SCARA3: variants seen among roughly 807,000 people sequenced by gnomAD.
SCARA3 encodes scavenger receptor class A member 3.
A neutral mutation model predicts 47.0 loss-of-function variants in SCARA3; 39 were observed. The observed-to-expected ratio is 0.83, with a 90% CI of 0.64 to 1.08. The LOEUF is 1.08. Among genes scored for constraint, SCARA3 ranks in the 50% least tolerant of loss-of-function variants. SCARA3 has a pLI of 0.00. For synonymous variants in SCARA3, 356 were observed against 334.1 expected, an observed-to-expected ratio of 1.07 and a Z score of -0.71; for missense variants, 724 against 792.3, an observed-to-expected ratio of 0.91 and a Z score of 1.04.
the SCARA3 span, among the ~76,000 whole-genome samples, chr8:27,691,571 C>G: frequency 6.6e-6 from 1 of 152,094 alleles, no homozygotes; most frequent in African/African-American, 2.4e-5. Flanking sequence ...TTTGGGAAGT[C>G]CCTCCGTCTG....
rs768636643 is a variant in SCARA3, at chr8:27,658,841, A to G, written c.671A>G (p.Asn224Ser). The G allele has an allele frequency of 1.2e-6, 2 of 1,614,178 alleles. No individual in the cohort carries two copies. The highest frequency in any genetic ancestry group is 1.7e-5 in the Admixed American group (1 of 60,026). Reference protein sequence around the residue: ...YDVKAAVHQINFTVGQTSEWI... With the variant: ...YDVKAAVHQISFTVGQTSEWI... ...GTCAAGGCTGCAGTGCACCAGATCA[A>G]CTTCACCGTGGGGCAGACTTCCGAG... is the stretch of plus-strand genomic sequence containing the variant. Residue 224 changes from asparagine to serine, a missense_variant, in exon 5 of 6, where the codon AAC (asparagine) becomes AGC (serine). Coordinates refer to ENST00000301904, the MANE Select transcript of SCARA3 (RefSeq NM_016240.3).
At chr8:27,704,791 C>A in the SCARA3 span, among the ~76,000 whole-genome samples, 1 of 152,176 alleles carries the variant, frequency 6.6e-6, no homozygotes, top group African/African-American at 2.4e-5. Context: ...AGACACTGGG[C>A]ACCTCATTTC....
At chr8:27,726,611 A>T in the SCARA3 span, among the ~76,000 whole-genome samples, 1 of 150,884 alleles carries the variant, frequency 6.6e-6, no homozygotes, top group Non-Finnish European at 1.5e-5. Flanking sequence ...GAGGCAGGAG[A>T]ATTGCTTGAA....
chr8:27,635,006 C>T (rs1433701548), intron 1 of SCARA3, among the ~76,000 whole-genome samples: 3 of 152,136 alleles, frequency 2.0e-5, no homozygotes, highest in African/African-American at 7.2e-5. Flanking sequence ...AACGCCATTT[C>T]GGGTGTCTTT....
chr8:27,704,847 T>C, the SCARA3 span, among the ~76,000 whole-genome samples: 1 of 152,152 alleles, frequency 6.6e-6, no homozygotes, highest in Admixed American at 6.5e-5. Context: ...CTACGTGTCC[T>C]CTCTGGAGGG....
At position 27,656,900 on chromosome 8, in the gene SCARA3, A is replaced by G; in HGVS notation, c.325+20A>G. On this transcript the variant is annotated intron_variant, in intron 4 of 5. Coordinates refer to ENST00000301904, the MANE Select transcript of SCARA3 (RefSeq NM_016240.3). ...GCCTGGGTAAGTAGATGGGCTGATG[A>G]CTGTGATGCAGTGATCTTCAGGGTG... The G allele has an allele frequency of 6.8e-7, 1 of 1,470,630 alleles. No homozygotes were observed. The highest frequency in any genetic ancestry group is 9.5e-7 in the Non-Finnish European group (1 of 1,048,806). The allele number at this position is 1,470,630 out of a possible 1,614,324, so 91.1% of individuals were successfully genotyped here.
intron 3 of SCARA3, 69 bp downstream of exon 3, chr8:27,651,696 C>T: frequency 6.3e-7 from 1 of 1,584,438 alleles, no homozygotes; most frequent in Non-Finnish European, 8.6e-7. Flanking sequence ...ACCAAAAGTT[C>T]CCCTGCAAAG....
At chr8:27,707,480 CAA>C in the SCARA3 span, among the ~76,000 whole-genome samples, 44 of 149,188 alleles carry the variant, frequency 2.9e-4, no homozygotes, top group African/African-American at 1.1e-3. Context: ...ATTAATAAGT[CAA>C]AAAAAAACAT....
Position 27,656,176 on chromosome 8 carries a change from C to A in SCARA3, c.227-606C>A, listed in dbSNP as rs35209630. The stretch of plus-strand genomic sequence containing the variant: ...TAAGATATTCTCAGATACAAAGAGA[C>A]CATATTTACATAACTTTTATTATAG... On this transcript the variant is annotated intron_variant, in intron 3 of 5. Coordinates refer to ENST00000301904, the MANE Select transcript of SCARA3 (RefSeq NM_016240.3). Among the ~76,000 whole-genome samples the A allele has an allele frequency of 5.3e-4, 81 of 152,258 alleles. No homozygotes were observed. The East Asian group carries it at 0.014, about 27-fold the overall frequency.
chr8:27,694,152 A>T, the SCARA3 span, among the ~76,000 whole-genome samples: 1 of 152,200 alleles, frequency 6.6e-6, no homozygotes, highest in Non-Finnish European at 1.5e-5. Context: ...GGTCTTGGAC[A>T]TGTTGCCTTT....
At chr8:27,643,555 AG>A (rs1404602429) in intron 1 of SCARA3, among the ~76,000 whole-genome samples, 3 of 152,182 alleles carry the variant, frequency 2.0e-5, no homozygotes, top group Non-Finnish European at 4.4e-5. Context: ...GCCTGTGGAG[AG>A]GGGGTAGTGG....
the SCARA3 span, among the ~76,000 whole-genome samples, chr8:27,721,608 T>C: frequency 6.6e-6 from 1 of 152,156 alleles, no homozygotes; most frequent in Non-Finnish European, 1.5e-5. Context: ...GGCCTCAAGT[T>C]AGATGGTGTC....
intron 3 of SCARA3, 35 bp from the exon 4 acceptor site, chr8:27,656,747 A>T (rs766947773): frequency 2.3e-6 from 3 of 1,317,038 alleles, no homozygotes; most frequent in Non-Finnish European, 3.3e-6. Flanking sequence ...CTGAGCTTAG[A>T]CCCTGCCCCA....
At chr8:27,650,040 C>G (rs1371973190) in intron 2 of SCARA3, among the ~76,000 whole-genome samples, 1 of 152,190 alleles carries the variant, frequency 6.6e-6, no homozygotes, top group African/African-American at 2.4e-5. Flanking sequence ...GTCGTCCAGG[C>G]TAGTATGAGT....
the SCARA3 span, among the ~76,000 whole-genome samples, chr8:27,731,568 G>A: frequency 9.5e-4 from 143 of 149,830 alleles, no homozygotes; most frequent in African/African-American, 3.2e-3. Context: ...TAATTGCCTC[G>A]GAGACGGAGG....
chr8:27,706,449 G>A, the SCARA3 span, among the ~76,000 whole-genome samples: 8 of 152,170 alleles, frequency 5.3e-5, no homozygotes, highest in South Asian at 8.3e-4. Context: ...CACCATGCCC[G>A]TCCTCATGCT....
chr8:27,647,241 CAT>C (rs1241430218), intron 1 of SCARA3, among the ~76,000 whole-genome samples: 8 of 152,228 alleles, frequency 5.3e-5, no homozygotes, highest in South Asian at 2.1e-4. Context: ...CCCTCACACA[CAT>C]GTGCACACAT....
chr8:27,715,060 T>C, the SCARA3 span, among the ~76,000 whole-genome samples: 4 of 152,108 alleles, frequency 2.6e-5, no homozygotes, highest in Admixed American at 2.6e-4. The surrounding 1 kb of genome is among the most constrained non-coding windows in gnomAD (Gnocchi z 4.2). Flanking sequence ...GCTGGGACTA[T>C]AGACACAAGC....
chr8:27,689,698 A>G, the SCARA3 span, among the ~76,000 whole-genome samples: 2 of 152,148 alleles, frequency 1.3e-5, no homozygotes, highest in African/African-American at 4.8e-5. Flanking sequence ...GTCCTCACAG[A>G]ACCTAGTGGG....
Sources: gnomAD v4.1 joint callset for allele counts (sites outside exome capture counted in the v4.1 genomes callset) on GRCh38, gnomAD v4.1.1 for gene constraint, Gnocchi (gnomAD v3.1) non-coding constraint, MANE v1.5 for transcripts, NCBI Gene and HGNC (gene_info 2026-07-23, HGNC 2026-07-21) for gene names.